Variants in NAALADL2 observed in about 807,000 individuals in gnomAD.
The protein encoded by NAALADL2 is N-acetylated alpha-linked acidic dipeptidase like 2, also known as inactive N-acetylated-alpha-linked acidic dipeptidase-like protein 2.
In NAALADL2, 76 loss-of-function variants were observed where a neutral mutation model predicts 87.2. The ratio of observed to expected loss-of-function variants is 0.87; its 90% CI spans 0.72 to 1.05. The LOEUF is 1.05. Ranked by LOEUF, NAALADL2 falls within the 50% of genes least tolerant of loss-of-function variation. The pLI is 0.00. For missense variants in NAALADL2, 1,089 were observed against 945.8 expected, an observed-to-expected ratio of 1.15 and a Z score of -1.99; for synonymous variants, 354 against 331.0, an observed-to-expected ratio of 1.07 and a Z score of -0.75.
intron 1 of NAALADL2, among the ~76,000 whole-genome samples, chr3:174,549,566 C>T (rs1406885702): frequency 6.6e-6 from 1 of 152,100 alleles, no homozygotes; most frequent in Non-Finnish European, 1.5e-5. Flanking sequence ...AAATTAACAT[C>T]CTTAGGGAGG....
At chr3:175,124,717 T>A (rs1726674214) in intron 2 of NAALADL2, 1 of 152,038 alleles carries the variant, frequency 6.6e-6, no homozygotes, top group South Asian at 2.1e-4. Flanking sequence ...CTTAAATTAT[T>A]ATCATACATG....
At chr3:175,423,168 A>G (rs552938435) in intron 5 of NAALADL2, among the ~76,000 whole-genome samples, 3 of 141,480 alleles carry the variant, frequency 2.1e-5, no homozygotes, top group African/African-American at 7.9e-5. Context: ...TAAGAAAGGG[A>G]GGGGGGGGTC....
chr3:174,909,501 G>A (rs1030403504), intron 1 of NAALADL2, among the ~76,000 whole-genome samples: 3 of 152,056 alleles, frequency 2.0e-5, no homozygotes, highest in Non-Finnish European at 4.4e-5. Flanking sequence ...TAGTAATGAG[G>A]AAATCATGAT....
At chr3:175,148,125 A>C (rs1045297179) in intron 2 of NAALADL2, among the ~76,000 whole-genome samples, 1 of 138,108 alleles carries the variant, frequency 7.2e-6, no homozygotes, top group African/African-American at 2.6e-5. Context: ...AATAATAATA[A>C]AATAATAATA....
intron 7 of NAALADL2, among the ~76,000 whole-genome samples, chr3:175,463,704 GA>G (rs1307014437): frequency 8.5e-4 from 33 of 38,974 alleles, no homozygotes; most frequent in Non-Finnish European, 1.7e-3. Context: ...AGTCGGGGGA[GA>G]GAGAGAGAGA....
intron 5 of NAALADL2, among the ~76,000 whole-genome samples, chr3:175,437,250 AG>A (rs1718847248): frequency 6.7e-6 from 1 of 149,942 alleles, no homozygotes; most frequent in African/African-American, 2.5e-5. Flanking sequence ...ACTTCAGCAA[AG>A]TCTCAGGATA....
chr3:174,736,667 C>T lies in NAALADL2; in HGVS notation c.-114-974C>T, dbSNP rs146802915. ...GCATACTGATTGGCTCATGGGCAGC[C>T]TTTCGTCGGCCTGGAAAAAGCACCA... On this transcript the variant is annotated intron_variant, in intron 2 of 3. Coordinates refer to the NAALADL2 transcript ENST00000434257. Among the ~76,000 whole-genome samples, 37 of 152,206 alleles carry T rather than the reference C, an allele frequency of 2.4e-4. No individual in the cohort carries two copies. In the East Asian group the frequency reaches 3.3e-3, roughly 14 times the overall value.
chr3:174,880,602 G>T (rs1729076530), intron 1 of NAALADL2, among the ~76,000 whole-genome samples: 1 of 152,006 alleles, frequency 6.6e-6, no homozygotes, highest in Non-Finnish European at 1.5e-5. Flanking sequence ...GAACATGACT[G>T]AGGTGCTTCT....
chr3:175,615,364 A>G (rs1303668041), intron 10 of NAALADL2, among the ~76,000 whole-genome samples: 1 of 152,104 alleles, frequency 6.6e-6, no homozygotes, highest in African/African-American at 2.4e-5. Context: ...TTTCTGAAAA[A>G]AATTGTTTGA....
chr3:174,875,537 C>T (rs978015251), intron 1 of NAALADL2, among the ~76,000 whole-genome samples: 24 of 152,064 alleles, frequency 1.6e-4, no homozygotes, highest in Non-Finnish European at 8.8e-5. Flanking sequence ...ATCTCAACAG[C>T]ATTAAAATGA....
intron 3 of NAALADL2, among the ~76,000 whole-genome samples, chr3:174,749,449 A>G (rs551515158): frequency 6.6e-6 from 1 of 152,166 alleles, no homozygotes; most frequent in East Asian, 1.9e-4. Flanking sequence ...TGATGCAAGA[A>G]TGGATTTTCC....
At chr3:175,292,593 T>TACACACACACACACACACACAC (rs71164627) in intron 4 of NAALADL2, among the ~76,000 whole-genome samples, 3 of 145,268 alleles carry the variant, frequency 2.1e-5, no homozygotes, top group Non-Finnish European at 4.5e-5. Context: ...TGAGTTGGGA[T>TACACACACACACACACACACAC]ACACACACAC....
intron 1 of NAALADL2, among the ~76,000 whole-genome samples, chr3:175,064,710 C>T (rs143595119): frequency 4.9e-4 from 74 of 152,284 alleles, no homozygotes; most frequent in African/African-American, 1.6e-3. Context: ...TGGAAGTGAT[C>T]TTACTCATGT....
At position 175,459,448 on chromosome 3, in the gene NAALADL2, G is replaced by T. The variant is rs369227976; in HGVS notation, c.1235-3953G>T. Among the ~76,000 whole-genome samples the T allele has an allele frequency of 3.3e-5, 5 of 151,122 alleles. No individual in the cohort carries two copies. The East Asian group carries it at 7.8e-4, about 24-fold the overall frequency. On this transcript the variant is annotated intron_variant, in intron 6 of 13. Transcript: ENST00000454872. ...GATAAATAGAGAAATACAAAAGTAC[G>T]AGTAAAATATACAGTCGATTAAAAT...
intron 11 of NAALADL2, among the ~76,000 whole-genome samples, chr3:175,733,430 A>G (rs1744058510): frequency 1.3e-5 from 2 of 152,158 alleles, no homozygotes; most frequent in African/African-American, 4.8e-5. Context: ...CCCATTCACT[A>G]TCACAAGAAT....
chr3:174,794,159 CTT>C (rs1218164402), intron 3 of NAALADL2, among the ~76,000 whole-genome samples: 1 of 151,982 alleles, frequency 6.6e-6, no homozygotes, highest in Non-Finnish European at 1.5e-5. Flanking sequence ...AAAAATTTGA[CTT>C]TATGAGACTT....
At chr3:174,932,990 G>A (rs1027583497) in intron 1 of NAALADL2, among the ~76,000 whole-genome samples, 7 of 152,122 alleles carry the variant, frequency 4.6e-5, no homozygotes, top group Non-Finnish European at 1.0e-4. Context: ...GGTGGCACAT[G>A]CCTGTAATCC....
chr3:174,794,337 A>G (rs1036116506), intron 3 of NAALADL2, among the ~76,000 whole-genome samples: 5 of 152,156 alleles, frequency 3.3e-5, no homozygotes, highest in African/African-American at 4.8e-5. Context: ...GCTTTACTAA[A>G]TAAAATTATT....
intron 12 of NAALADL2, among the ~76,000 whole-genome samples, chr3:175,750,250 T>A (rs1460179217): frequency 1.3e-5 from 2 of 152,158 alleles, no homozygotes; most frequent in African/African-American, 2.4e-5. Flanking sequence ...GGCAGGATGC[T>A]ACAGGATGAT....
Sources: gnomAD v4.1 joint callset for allele counts (sites outside exome capture counted in the v4.1 genomes callset) on GRCh38, gnomAD v4.1.1 for gene constraint, MANE v1.5 for transcripts, NCBI Gene and HGNC (gene_info 2026-07-23, HGNC 2026-07-21) for gene names.